The following PSMD7 variants were observed in gnomAD, a reference collection of about 807,000 sequenced individuals.
The protein encoded by PSMD7 is proteasome 26S subunit, non-ATPase 7, also known as 26S proteasome non-ATPase regulatory subunit 7.
In PSMD7, 13 loss-of-function variants were observed where a neutral mutation model predicts 36.4. That is an observed-to-expected ratio of 0.36 (90% confidence interval 0.23 to 0.57). The LOEUF (loss-of-function observed/expected upper bound fraction) is 0.57, where lower values mean the gene tolerates loss of function less well. Among genes scored for constraint, PSMD7 ranks in the 20% least tolerant of loss-of-function variants. PSMD7 has a pLI of 0.83. For missense variants in PSMD7, 298 were observed against 393.6 expected (o/e 0.76, Z 2.06); for synonymous variants, 186 against 151.0 (o/e 1.23, Z -1.70).
intron 2 of PSMD7, chr16:74,300,501 C>A: frequency 2.4e-6 from 1 of 410,878 alleles, no homozygotes; most frequent in Non-Finnish European, 4.5e-6. Flanking sequence ...TCTATAAAAA[C>A]AGGCAGCTGG....
intron 5 of PSMD7, 39 bp from the exon 6 acceptor site, chr16:74,304,262 TTG>T (rs2034178743): frequency 4.5e-6 from 7 of 1,570,382 alleles, no homozygotes; most frequent in Non-Finnish European, 6.1e-6. Context: ...GTCAGTTCGT[TTG>T]TGGAAAATAA....
At position 74,297,958 on chromosome 16, in the gene PSMD7, C is replaced by CA. The variant is rs376866101; in HGVS notation, c.74+981dup. 1.5e-3 allele frequency among the ~76,000 whole-genome samples: 209 copies of CA among 143,780 alleles called. 1 individual carries two copies. Among genetic ancestry groups the CA allele is most frequent in the African/African-American group, 2.5e-3 (96 of 39,122 alleles). 94.3% of individuals were successfully genotyped at this position (143,780 alleles called of 152,430 possible). ...ATGGGAATCTGATTAGACTCCGTCT[C>CA]AAAAAAAAAAATGTATATATAGATG... is the stretch of plus-strand genomic sequence containing the variant. On this transcript the variant is annotated intron_variant, in intron 1 of 6. Transcript: ENST00000219313.
intron 4 of PSMD7, among the ~76,000 whole-genome samples, 199 bp from the exon 5 acceptor site, chr16:74,302,013 C>A (rs1210341787): frequency 6.6e-6 from 1 of 152,022 alleles, no homozygotes; most frequent in African/African-American, 2.4e-5. Flanking sequence ...TGTACTGCCC[C>A]TCAGCTTATT....
rs773685443 is a variant in PSMD7 at position 74,300,172 on chromosome 16, A to G, written c.132A>G (p.Gln44=). ...TTGGTGTGCTTTTGGGGTCATGGCA[A>G]AAGAAAGTACTTGATGTATCGAACA... The part of the protein sequence containing the change: ...RVVGVLLGSW[Q]KKVLDVSNSF... The change falls in exon 2 of 7, where the codon CAA becomes CAG. Residue 44 remains glutamine, a synonymous_variant. Transcript: ENST00000219313. The G allele has an allele frequency of 1.2e-6, 2 of 1,614,212 alleles. No individual in the cohort carries two copies. The highest frequency in any genetic ancestry group is 8.5e-7 in the Non-Finnish European group (1 of 1,180,040).
intron 1 of PSMD7, among the ~76,000 whole-genome samples, chr16:74,297,501 C>T (rs751081583): frequency 6.6e-6 from 1 of 150,826 alleles, no homozygotes. Flanking sequence ...GTGAATAATG[C>T]AAAGTGACTG....
chr16:74,297,554 A>G (rs548650835), intron 1 of PSMD7, among the ~76,000 whole-genome samples: 1 of 151,832 alleles, frequency 6.6e-6, no homozygotes, highest in African/African-American at 2.4e-5. Context: ...GGCTAGCTCC[A>G]TTTAGCCCCG....
Position 74,301,589 on chromosome 16 carries a change from C to T in PSMD7, c.294C>T (p.Gly98=). The T allele has an allele frequency of 6.2e-7, 1 of 1,613,712 alleles. No individual in the cohort carries two copies. Among genetic ancestry groups the T allele is most frequent in the Non-Finnish European group, 8.5e-7 (1 of 1,179,698 alleles). ...GAATAGTTGGCTGGTACCACACAGG[C>T]CCTAAACTACACAAGAATGACATTG... ...RERIVGWYHT[G]PKLHKNDIAI... The change falls in exon 4 of 7, where the codon GGC becomes GGT. Residue 98 remains glycine, a synonymous_variant. Coordinates refer to ENST00000219313, the MANE Select transcript of PSMD7 (RefSeq NM_002811.5).
At chr16:74,298,485 T>C (rs1418569454) in intron 1 of PSMD7, among the ~76,000 whole-genome samples, 1 of 152,230 alleles carries the variant, frequency 6.6e-6, no homozygotes, top group Non-Finnish European at 1.5e-5. Flanking sequence ...TGTTGGCTTT[T>C]CTACAGGAGA....
chr16:74,299,818 T>C (rs748240655), intron 1 of PSMD7: 69 of 469,226 alleles, frequency 1.5e-4, no homozygotes, highest in Non-Finnish European at 2.2e-4. Flanking sequence ...CAGACTAAGA[T>C]CTGGGAAGCT....
chr16:74,305,877 G>A lies in PSMD7; in HGVS notation c.*144G>A. The A allele has an allele frequency of 4.4e-6, 4 of 909,592 alleles. No homozygotes were observed. Among genetic ancestry groups the A allele is most frequent in the Non-Finnish European group, 6.0e-6 (4 of 667,160 alleles). The allele number at this position is 909,592 out of a possible 1,614,324, so 56.3% of individuals were successfully genotyped here. A position where few individuals can be genotyped will look rare whatever the true frequency, so the allele number is the denominator to read the frequency against. On this transcript the variant is annotated 3_prime_UTR_variant, in exon 7 of 7. Coordinates refer to ENST00000219313, the MANE Select transcript of PSMD7 (RefSeq NM_002811.5). ...CTCTCTGCCTCCGGTCACTCTTGCT[G>A]TGGTGCTACGTGGAAGTGAATGGAG...
rs893140480 is a variant in PSMD7 at position 74,306,244 on chromosome 16, A to G, written c.*511A>G. On this transcript the variant is annotated 3_prime_UTR_variant, in exon 7 of 7. Transcript: ENST00000219313. Reference sequence around the variant, plus strand: ...CTCAGGGGTTGTGATCCAGCTCCATATATTGTTTACCTTCAAAGATACAAT... The same window carrying G: ...CTCAGGGGTTGTGATCCAGCTCCATGTATTGTTTACCTTCAAAGATACAAT... The G allele has an allele frequency of 6.5e-6, 1 of 152,682 alleles. No homozygotes were observed. The highest frequency in any genetic ancestry group is 6.5e-5 in the Admixed American group (1 of 15,274). The allele number at this position is 152,682 out of a possible 1,614,324, so 9.5% of individuals were successfully genotyped here. A position where few individuals can be genotyped will look rare whatever the true frequency, so the allele number is the denominator to read the frequency against.
Position 74,305,811 on chromosome 16 carries a change from T to C in PSMD7, c.*78T>C, listed in dbSNP as rs2034192076. 3 of 1,364,500 alleles carry C rather than the reference T, an allele frequency of 2.2e-6. No homozygotes were observed. The highest frequency in any genetic ancestry group is 2.9e-5 in the African/African-American group (2 of 68,158). 84.5% of individuals were successfully genotyped at this position (1,364,500 alleles called of 1,614,324 possible). On this transcript the variant is annotated 3_prime_UTR_variant, in exon 7 of 7. Transcript: ENST00000219313. ...ATCAGTGTGCTGCTAGAGGGTTCTT[T>C]TTCACTTGACATGCTTATTAGAAAG...
intron 5 of PSMD7, among the ~76,000 whole-genome samples, chr16:74,303,550 A>G (rs545667280): frequency 1.4e-3 from 209 of 152,256 alleles, no homozygotes; most frequent in African/African-American, 3.9e-3. Context: ...CATGTCCCCA[A>G]TGGATCCTTT....
At chr16:74,298,966 G>A (rs7203106) in intron 1 of PSMD7, among the ~76,000 whole-genome samples, 2,846 of 152,152 alleles carry the variant, frequency 0.019, 83 homozygotes, top group African/African-American at 0.065. Context: ...AAAAGCCCAC[G>A]AGTATGGAAG....
At chr16:74,301,805 T>G (rs1285262704) in intron 4 of PSMD7, among the ~76,000 whole-genome samples, 153 bp downstream of exon 4, 3 of 152,208 alleles carry the variant, frequency 2.0e-5, no homozygotes, top group African/African-American at 7.2e-5. Flanking sequence ...AAGTATACTG[T>G]GACCTAATAT....
chr16:74,304,672 G>T, intron 6 of PSMD7: 1 of 300,572 alleles, frequency 3.3e-6, no homozygotes, highest in Non-Finnish European at 6.2e-6. Flanking sequence ...TTGACTGACG[G>T]GAAGAGAGGT....
At chr16:74,303,757 T>G (rs910290468) in intron 5 of PSMD7, among the ~76,000 whole-genome samples, 2 of 152,078 alleles carry the variant, frequency 1.3e-5, no homozygotes, top group Non-Finnish European at 2.9e-5. Flanking sequence ...AATCTCACTC[T>G]GTTGCTCAGG....
Position 74,296,857 on chromosome 16 carries a change from C to G in PSMD7, c.-58C>G. 1.3e-6 allele frequency: 2 copies of G among 1,583,580 alleles called. No homozygotes were observed. Among genetic ancestry groups the G allele is most frequent in the South Asian group, 2.3e-5 (2 of 88,674 alleles). ...CCTGAAAGGGTACCGGTGACCGCTA[C>G]TGCTGCCGGTGTTTGCGTGTGGCAG... On this transcript the variant is annotated 5_prime_UTR_variant, in exon 1 of 7. Transcript: ENST00000219313.
chr16:74,301,183 G>A (rs1435414035), intron 3 of PSMD7, 39 bp downstream of exon 3: 6 of 1,415,374 alleles, frequency 4.2e-6, no homozygotes, highest in Non-Finnish European at 5.9e-6. Context: ...GCATAGAATT[G>A]AACTGTGTGT....
Sources: allele counts gnomAD v4.1 joint callset (sites outside exome capture counted in the v4.1 genomes callset), GRCh38; gene constraint gnomAD v4.1.1; transcripts MANE v1.5; gene names NCBI Gene and HGNC (gene_info 2026-07-23, HGNC 2026-07-21).